Variants in MCUR1 observed in about 807,000 individuals in gnomAD.
MCUR1 encodes the protein MCU regulator 1.
MCUR1 carries 37 observed loss-of-function variants against 42.0 expected under a neutral mutation model. The ratio of observed to expected loss-of-function variants is 0.88; its 90% CI spans 0.68 to 1.16. MCUR1 has a LOEUF of 1.16. Among genes scored for constraint, MCUR1 ranks in the 50% most tolerant of loss-of-function variants. The probability of loss-of-function intolerance (pLI) is 0.00; values close to 1 mark genes in which losing one functional copy is unlikely to be tolerated. For missense variants in MCUR1, 469 were observed against 468.4 expected, an observed-to-expected ratio of 1.00 and a Z score of -0.01; for synonymous variants, 229 against 196.2, an observed-to-expected ratio of 1.17 and a Z score of -1.40.
At chr6:13,802,047 C>T (rs1048628685) in intron 3 of MCUR1, among the ~76,000 whole-genome samples, 196 bp downstream of exon 3, 1 of 152,152 alleles carries the variant, frequency 6.6e-6, no homozygotes, top group Non-Finnish European at 1.5e-5. Flanking sequence ...TCAAGCATAA[C>T]GATTCTACAA....
Position 13,786,902 on chromosome 6 carries a change from A to C in MCUR1, c.*3907T>G, listed in dbSNP as rs1388734444. On this transcript the variant is annotated 3_prime_UTR_variant, in exon 9 of 9. Transcript: ENST00000379170. Reference sequence around the variant, plus strand: ...CAAATAAAATTCTAATAAAAGGCTAAACATTCTCAAATATTTTACATACAT... The same window carrying C: ...CAAATAAAATTCTAATAAAAGGCTACACATTCTCAAATATTTTACATACAT... 1.3e-5 allele frequency: 2 copies of C among 152,186 alleles called. No individual in the cohort carries two copies. Among genetic ancestry groups the C allele is most frequent in the African/African-American group, 4.8e-5 (2 of 41,442 alleles). The allele number at this position is 152,186 out of a possible 1,614,324, so 9.4% of individuals were successfully genotyped here.
chr6:13,810,213 A>T (rs1760203323), intron 1 of MCUR1, among the ~76,000 whole-genome samples: 1 of 152,232 alleles, frequency 6.6e-6, no homozygotes, highest in South Asian at 2.1e-4. Context: ...AAAAAAAAAA[A>T]TTAATTAAAA....
In MCUR1 at chr6:13,786,781, CATA is replaced by C. The variant is rs1759613015; in HGVS notation, c.*4025_*4027del. ...TCTTACACTTTATTAGATAATAAAA[CATA>C]ATTGATATTTGCTTAAGTAACAAAA... is the stretch of plus-strand genomic sequence containing the variant. On this transcript the variant is annotated 3_prime_UTR_variant, in exon 9 of 9. Coordinates refer to ENST00000379170, the MANE Select transcript of MCUR1 (RefSeq NM_001031713.4). 6.6e-6 allele frequency: 1 copy of C among 151,946 alleles called. No homozygotes were observed. Among genetic ancestry groups the C allele is most frequent in the Non-Finnish European group, 1.5e-5 (1 of 67,996 alleles). The allele number at this position is 151,946 out of a possible 1,614,324, so 9.4% of individuals were successfully genotyped here. A position where few individuals can be genotyped will look rare whatever the true frequency, so the allele number is the denominator to read the frequency against.
At chr6:13,791,546 C>T (rs1265060985) in intron 8 of MCUR1, among the ~76,000 whole-genome samples, 1 of 152,170 alleles carries the variant, frequency 6.6e-6, no homozygotes, top group Non-Finnish European at 1.5e-5. Context: ...AAGATTACAA[C>T]TGAAACACCT....
rs1013789839 is a variant in MCUR1, at chr6:13,787,524, G to T, written c.*3285C>A. 1 of 152,208 alleles carries T rather than the reference G, an allele frequency of 6.6e-6. No individual in the cohort carries two copies. Among genetic ancestry groups the T allele is most frequent in the East Asian group, 1.9e-4 (1 of 5,190 alleles). 9.4% of individuals were successfully genotyped at this position (152,208 alleles called of 1,614,324 possible). ...GTAGCAGGAGAGCATGGAAATCGGA[G>T]TTCAGACTCTTTAGAAAAGACAAAA... is the stretch of plus-strand genomic sequence containing the variant. On this transcript the variant is annotated 3_prime_UTR_variant, in exon 9 of 9. Coordinates refer to ENST00000379170, the MANE Select transcript of MCUR1 (RefSeq NM_001031713.4).
chr6:13,786,866 T>TA lies in MCUR1; in HGVS notation c.*3942dup, dbSNP rs769534855. On this transcript the variant is annotated 3_prime_UTR_variant, in exon 9 of 9. Transcript: ENST00000379170. ...CATAAGTGTAAAATGTGTAGAAAGATAAATATTTTCCAAATAAAATTCTAA... is the reference window on the plus strand; with the variant it reads ...CATAAGTGTAAAATGTGTAGAAAGATAAAATATTTTCCAAATAAAATTCTAA... 1 of 152,228 alleles carries TA rather than the reference T, an allele frequency of 6.6e-6. No homozygotes were observed. Among genetic ancestry groups the TA allele is most frequent in the Non-Finnish European group, 1.5e-5 (1 of 68,034 alleles). The allele number at this position is 152,228 out of a possible 1,614,324, so 9.4% of individuals were successfully genotyped here. A position where few individuals can be genotyped will look rare whatever the true frequency, so the allele number is the denominator to read the frequency against.
chr6:13,813,850 G>A (rs1328607954), intron 1 of MCUR1, among the ~76,000 whole-genome samples, 165 bp downstream of exon 1: 2 of 152,188 alleles, frequency 1.3e-5, no homozygotes, highest in Admixed American at 1.3e-4. Context: ...GCCGAGCAGG[G>A]CGGGCCCGGA....
Position 13,814,323 on chromosome 6 carries a change from G to C in MCUR1, c.107C>G (p.Thr36Ser). 6.6e-7 allele frequency: 1 copy of C among 1,507,344 alleles called. No individual in the cohort carries two copies. Among genetic ancestry groups the C allele is most frequent in the Admixed American group, 2.1e-5 (1 of 48,426 alleles). 93.4% of individuals were successfully genotyped at this position (1,507,344 alleles called of 1,614,324 possible). A position where few individuals can be genotyped will look rare whatever the true frequency, so the allele number is the denominator to read the frequency against. Residue 36 changes from threonine (T) to serine (S), a missense_variant, in exon 1 of 9, where the codon ACC (threonine) becomes AGC (serine). Transcript: ENST00000379170. The part of the protein sequence containing the change: ...GLSGRPGGSE[T>S]SARRCLSALS... ...CGCAGAGAGGCAGCGGCGTGCTGAG[G>C]TTTCGCTGCCGCCCGGTCTTCCGCT...
At position 13,793,878 on chromosome 6, in the gene MCUR1, C is replaced by A. The variant is rs4715568; in HGVS notation, c.909+16G>T. The A allele has an allele frequency of 0.59, 952,074 of 1,606,478 alleles. 285,009 individuals are homozygous for A. The highest frequency in any genetic ancestry group is 0.73 in the African/African-American group (54,679 of 74,822). On this transcript the variant is annotated intron_variant, in intron 7 of 8. Transcript: ENST00000379170. ...TGAGTACAAAGACAAAGAAAAATCACAGTCTTGTTTCTTACCAATGCCACT... is the reference window on the plus strand; with the variant it reads ...TGAGTACAAAGACAAAGAAAAATCAAAGTCTTGTTTCTTACCAATGCCACT...
At chr6:13,790,929 T>A (rs1759717588) in intron 8 of MCUR1, 65 bp from the exon 9 acceptor site, 1 of 1,286,600 alleles carries the variant, frequency 7.8e-7, no homozygotes, top group Non-Finnish European at 1.1e-6. Context: ...GGAACATCTT[T>A]TTTTAAGAAA....
At chr6:13,794,684 C>T (rs1462327598) in intron 6 of MCUR1, among the ~76,000 whole-genome samples, 1 of 148,684 alleles carries the variant, frequency 6.7e-6, no homozygotes, top group African/African-American at 2.5e-5. Flanking sequence ...TGGAGTCTCA[C>T]TCTATTCCCA....
At chr6:13,808,323 T>C (rs888995431) in intron 1 of MCUR1, among the ~76,000 whole-genome samples, 9 of 152,186 alleles carry the variant, frequency 5.9e-5, no homozygotes, top group Non-Finnish European at 1.3e-4. Context: ...TAAGGCAAAG[T>C]CCTTTGCCCA....
chr6:13,804,258 G>A (rs1264069757), intron 2 of MCUR1: 1 of 196,822 alleles, frequency 5.1e-6, no homozygotes, highest in Non-Finnish European at 1.1e-5. Flanking sequence ...GGGAGGTGGG[G>A]GTTGCAGTAG....
intron 8 of MCUR1, among the ~76,000 whole-genome samples, chr6:13,791,441 T>TG (rs1053232625): frequency 2.0e-5 from 3 of 152,030 alleles, no homozygotes; most frequent in Non-Finnish European, 2.9e-5. Context: ...TTAATTTGGG[T>TG]GGGGGGTGGT....
intron 1 of MCUR1, among the ~76,000 whole-genome samples, chr6:13,807,943 A>G (rs1394142108): frequency 6.6e-6 from 1 of 152,148 alleles, no homozygotes; most frequent in African/African-American, 2.4e-5. Context: ...AGAAATGTGT[A>G]TTCAAGTCAG....
At chr6:13,793,358 GAAGCAACAC>G in intron 7 of MCUR1, among the ~76,000 whole-genome samples, 1 of 152,238 alleles carries the variant, frequency 6.6e-6, no homozygotes, top group South Asian at 2.1e-4. Flanking sequence ...CCAACGGGTG[GAAGCAACAC>G]AAGTGCCCTT....
In MCUR1 at chr6:13,787,590, GCCCT is replaced by G. The variant is rs1457483475; in HGVS notation, c.*3215_*3218del. The G allele has an allele frequency of 6.6e-6, 1 of 152,202 alleles. No homozygotes were observed. Among genetic ancestry groups the G allele is most frequent in the Non-Finnish European group, 1.5e-5 (1 of 68,070 alleles). 9.4% of individuals were successfully genotyped at this position (152,202 alleles called of 1,614,324 possible). The stretch of plus-strand genomic sequence containing the variant: ...AGAAGAAAAGGAGGAATGCAGAGAA[GCCCT>G]CCAAGAATGATGAGTGATTCGTGCA... On this transcript the variant is annotated 3_prime_UTR_variant, in exon 9 of 9. Transcript: ENST00000379170.
intron 2 of MCUR1, chr6:13,804,245 A>T: frequency 5.2e-6 from 1 of 193,414 alleles, no homozygotes; most frequent in Non-Finnish European, 1.1e-5. Flanking sequence ...ATCGCTTGAA[A>T]CCGGGAGGTG....
intron 1 of MCUR1, among the ~76,000 whole-genome samples, chr6:13,807,490 TTTTA>T (rs1232380443): frequency 6.6e-6 from 1 of 152,218 alleles, no homozygotes; most frequent in African/African-American, 2.4e-5. Context: ...ACGTCAGTAC[TTTTA>T]TTTCTTTGTA....
Sources: gnomAD v4.1 joint callset for allele counts (sites outside exome capture counted in the v4.1 genomes callset) on GRCh38, gnomAD v4.1.1 for gene constraint, MANE v1.5 for transcripts, NCBI Gene and HGNC (gene_info 2026-07-23, HGNC 2026-07-21) for gene names.